The following ZNF710 variants were observed in gnomAD, a reference collection of about 807,000 sequenced individuals.
The protein encoded by ZNF710 is zinc finger protein 710.
Under a neutral mutation model 50.6 loss-of-function variants are expected in ZNF710, and 13 were observed. That is an observed-to-expected ratio of 0.26 (90% CI 0.17 to 0.41). ZNF710 has a LOEUF of 0.41. ZNF710 is among the 10% of genes least tolerant of loss of function. ZNF710 has a pLI of 1.00. For missense variants in ZNF710, 721 were observed against 936.6 expected (o/e 0.77, Z 3.01); for synonymous variants, 383 against 397.0 (o/e 0.96, Z 0.42).
At chr15:90,047,647 C>T (rs528859394) in intron 1 of ZNF710, among the ~76,000 whole-genome samples, 193 of 145,326 alleles carry the variant, frequency 1.3e-3, no homozygotes, top group African/African-American at 4.8e-3. Context: ...TGTAGTGGTG[C>T]GATCTCAGCT....
chr15:90,077,789 A>G (rs1900628303), intron 4 of ZNF710, among the ~76,000 whole-genome samples: 1 of 152,020 alleles, frequency 6.6e-6, no homozygotes, highest in Admixed American at 6.6e-5. Context: ...GGTAGCGCAC[A>G]CCTATCGTCC....
chr15:90,010,953 C>T (rs1413569868), intron 1 of ZNF710, among the ~76,000 whole-genome samples: 8 of 117,848 alleles, frequency 6.8e-5, no homozygotes, highest in South Asian at 2.8e-4. Flanking sequence ...TTTTTTGAGA[C>T]GGAGTCTCAC....
chr15:90,011,676 T>A (rs1898308567), intron 1 of ZNF710, among the ~76,000 whole-genome samples: 1 of 152,224 alleles, frequency 6.6e-6, no homozygotes, highest in Non-Finnish European at 1.5e-5. Flanking sequence ...GATCAGAACA[T>A]CATGTGGCAA....
At chr15:90,031,958 C>T (rs1329867312) in intron 1 of ZNF710, among the ~76,000 whole-genome samples, 5 of 152,220 alleles carry the variant, frequency 3.3e-5, no homozygotes, top group African/African-American at 1.2e-4. Flanking sequence ...TGAAGGAAGC[C>T]ATCCAGCTAC....
At chr15:90,056,880 C>A (rs1899835642) in intron 1 of ZNF710, among the ~76,000 whole-genome samples, 1 of 152,134 alleles carries the variant, frequency 6.6e-6, no homozygotes, top group Non-Finnish European at 1.5e-5. Context: ...GAACCAGAGG[C>A]CCACCCAACT....
At chr15:90,056,052 G>T (rs1264236792) in intron 1 of ZNF710, among the ~76,000 whole-genome samples, 1 of 151,672 alleles carries the variant, frequency 6.6e-6, no homozygotes, top group East Asian at 1.9e-4. Flanking sequence ...GGAGGTGGAG[G>T]TTGCAGTGGG....
At position 90,040,306 on chromosome 15, in the gene ZNF710, G is replaced by A. The variant is rs1168425783; in HGVS notation, c.-28-26804G>A. Among the ~76,000 whole-genome samples the A allele has an allele frequency of 5.3e-5, 8 of 152,210 alleles. No homozygotes were observed. Among genetic ancestry groups the A allele is most frequent in the Admixed American group, 5.2e-4 (8 of 15,282 alleles). On this transcript the variant is annotated intron_variant, in intron 1 of 4. Coordinates refer to ENST00000268154, the MANE Select transcript of ZNF710 (RefSeq NM_198526.4). This position sits in a 1 kb window ranked among gnomAD's most constrained non-coding sequence, Gnocchi z 4.6. Reference sequence around the variant, plus strand: ...GCAACAGCAGAAACCCTGGTACCCAGATCCCCCAGTCTCCAGGGAGGTGTC... The same window carrying A: ...GCAACAGCAGAAACCCTGGTACCCAAATCCCCCAGTCTCCAGGGAGGTGTC...
chr15:90,049,110 T>G (rs983541854), intron 1 of ZNF710, among the ~76,000 whole-genome samples: 2 of 152,220 alleles, frequency 1.3e-5, no homozygotes, highest in African/African-American at 4.8e-5. Context: ...GTACATATAT[T>G]GTGGTGTAAA....
rs1455891849 is a variant in ZNF710 at position 90,081,108 on chromosome 15, C to T, written c.*1279C>T. On this transcript the variant is annotated 3_prime_UTR_variant, in exon 5 of 5. Transcript: ENST00000268154. ...GCAGGAGAAGGCAGAGCTGGGAAGC[C>T]CTCCACCCCTGCCTGGCTCCTGCAG... is the stretch of plus-strand genomic sequence containing the variant. 2 of 152,174 alleles carry T rather than the reference C, an allele frequency of 1.3e-5. No homozygotes were observed. The highest frequency in any genetic ancestry group is 4.8e-5 in the African/African-American group (2 of 41,398). The allele number at this position is 152,174 out of a possible 1,614,324, so 9.4% of individuals were successfully genotyped here.
At chr15:90,026,850 A>T (rs1317090960) in intron 1 of ZNF710, among the ~76,000 whole-genome samples, 1 of 152,212 alleles carries the variant, frequency 6.6e-6, no homozygotes, top group East Asian at 1.9e-4. Flanking sequence ...ATACAGCAAA[A>T]AAAAGGAACA....
chr15:90,004,898 G>A (rs1322922991), intron 1 of ZNF710, among the ~76,000 whole-genome samples: 1 of 152,234 alleles, frequency 6.6e-6, no homozygotes, highest in Non-Finnish European at 1.5e-5. Context: ...ACAACTAGGG[G>A]GAACTGGGTG....
At chr15:90,063,103 G>A (rs1460502319) in intron 1 of ZNF710, among the ~76,000 whole-genome samples, 3 of 152,076 alleles carry the variant, frequency 2.0e-5, no homozygotes, top group East Asian at 1.9e-4. Flanking sequence ...GAAGCAGCCC[G>A]AGCCTTCATG....
intron 1 of ZNF710, chr15:90,002,518 G>T (rs55961512): frequency 0.12 from 18,106 of 152,234 alleles, 2,442 homozygotes; most frequent in African/African-American, 0.33. Flanking sequence ...TGGGGCGTGA[G>T]CACCAGCGTC....
At chr15:89,999,211 C>G (rs568093028), upstream of ZNF710, among the ~76,000 whole-genome samples, 4 of 152,332 alleles carry the variant, frequency 2.6e-5, no homozygotes, top group African/African-American at 9.6e-5. Flanking sequence ...CTCTTAGGAG[C>G]TTTCTTGGTT....
intron 4 of ZNF710, chr15:90,076,588 A>T (rs1900595331): frequency 6.6e-6 from 1 of 152,172 alleles, no homozygotes; most frequent in South Asian, 2.1e-4. Context: ...TAAAAATACA[A>T]AAATTAGCTG....
chr15:90,002,264 TGG>T (rs1301399430), intron 1 of ZNF710, among the ~76,000 whole-genome samples: 1 of 150,826 alleles, frequency 6.6e-6, no homozygotes, highest in Non-Finnish European at 1.5e-5. Flanking sequence ...CTGGCGGGGC[TGG>T]GGGCGTCCCC....
At position 90,062,322 on chromosome 15, in the gene ZNF710, T is replaced by C. The variant is rs1184149183; in HGVS notation, c.-28-4788T>C. On this transcript the variant is annotated intron_variant, in intron 1 of 4. Coordinates refer to ENST00000268154, the MANE Select transcript of ZNF710 (RefSeq NM_198526.4). This position sits in a 1 kb window ranked among gnomAD's most constrained non-coding sequence, Gnocchi z 5.6. Reference sequence around the variant, plus strand: ...TATTTCCCCGCCTTTCACATTGACTTTCTCCCCACCCTGGGGACCGAGGGC... The same window carrying C: ...TATTTCCCCGCCTTTCACATTGACTCTCTCCCCACCCTGGGGACCGAGGGC... Among the ~76,000 whole-genome samples, 2 of 152,082 alleles carry C rather than the reference T, an allele frequency of 1.3e-5. No homozygotes were observed. Among genetic ancestry groups the C allele is most frequent in the Admixed American group, 6.5e-5 (1 of 15,272 alleles).
chr15:90,044,322 C>A (rs887047322), intron 1 of ZNF710, among the ~76,000 whole-genome samples: 4 of 152,204 alleles, frequency 2.6e-5, no homozygotes, highest in Non-Finnish European at 5.9e-5. Flanking sequence ...AAGGCAGAGG[C>A]GGATGTGGTC....
chr15:90,079,355 A>G (rs1006440480), intron 4 of ZNF710, among the ~76,000 whole-genome samples: 5 of 152,168 alleles, frequency 3.3e-5, no homozygotes, highest in African/African-American at 1.2e-4. Context: ...AGTGACTTTG[A>G]CGGGTCAATG....
Sources: allele counts gnomAD v4.1 joint callset (sites outside exome capture counted in the v4.1 genomes callset), GRCh38; gene constraint gnomAD v4.1.1; non-coding constraint Gnocchi (gnomAD v3.1); transcripts MANE v1.5; gene names NCBI Gene and HGNC (gene_info 2026-07-23, HGNC 2026-07-21).